The following BLK variants were observed in gnomAD, a reference collection of about 807,000 sequenced individuals.
BLK encodes tyrosine-protein kinase Blk.
Under a neutral mutation model 61.8 loss-of-function variants are expected in BLK, and 64 were observed. That is an observed-to-expected ratio of 1.03 (90% confidence interval 0.85 to 1.27). The LOEUF is 1.27. BLK is among the 50% of genes most tolerant of loss of function. The pLI, the probability that BLK is intolerant of heterozygous loss-of-function variation, is 0.00. For synonymous variants in BLK, 351 were observed against 272.0 expected (o/e 1.29, Z -2.86); for missense variants, 853 against 660.5 (o/e 1.29, Z -3.19).
chr8:11,545,131 C>T (rs1018659892), intron 2 of BLK, among the ~76,000 whole-genome samples: 3 of 152,228 alleles, frequency 2.0e-5, no homozygotes, highest in East Asian at 3.8e-4. Context: ...GTTGTGGCTC[C>T]GTGTTACGCA....
chr8:11,562,852 G>T (rs540398540), intron 11 of BLK, 127 bp from the exon 12 acceptor site: 2 of 1,352,672 alleles, frequency 1.5e-6, no homozygotes, highest in South Asian at 1.3e-5. Flanking sequence ...ATGCCTGGCC[G>T]CCCCGCCCTG....
intron 1 of BLK, among the ~76,000 whole-genome samples, chr8:11,516,594 A>G (rs188151315): frequency 3.9e-4 from 60 of 152,250 alleles, no homozygotes; most frequent in Non-Finnish European, 8.2e-4. Context: ...TCCCCGACCC[A>G]GCCCCCAGCC....
intron 1 of BLK, among the ~76,000 whole-genome samples, chr8:11,519,917 G>A (rs1799373828): frequency 6.6e-6 from 1 of 152,178 alleles, no homozygotes; most frequent in African/African-American, 2.4e-5. Flanking sequence ...AATATTCACA[G>A]AGATTGCCTC....
In BLK at chr8:11,531,260, G is replaced by C. The variant is rs190073743; in HGVS notation, c.-1-11964G>C. ...AAATGTCCTGCCTGTCTCTGATTTAGCTATTTCTTTTCTTAATGGTGTTTT... is the reference window on the plus strand; with the variant it reads ...AAATGTCCTGCCTGTCTCTGATTTACCTATTTCTTTTCTTAATGGTGTTTT... On this transcript the variant is annotated intron_variant, in intron 1 of 12. Coordinates refer to ENST00000259089, the MANE Select transcript of BLK (RefSeq NM_001715.3). 1.4e-4 allele frequency among the ~76,000 whole-genome samples: 22 copies of C among 152,198 alleles called. No homozygotes were observed. In the East Asian group the frequency reaches 4.0e-3, roughly 28 times the overall value.
rs939336015 is a variant in BLK at position 11,550,201 on chromosome 8, G to A, written c.411G>A (p.Gln137=). Reference sequence around the variant, plus strand: ...AGGGTCGGAAGGAGGCTGAGAGGCAGCTTCTTGCTCCAATCAACAAGGCCG... The same window carrying A: ...AGGGTCGGAAGGAGGCTGAGAGGCAACTTCTTGCTCCAATCAACAAGGCCG... ...RSQGRKEAER[Q]LLAPINKAGS... The change falls in exon 6 of 13, where the codon CAG becomes CAA. Residue 137 remains glutamine, a synonymous_variant. Transcript: ENST00000259089. The A allele has an allele frequency of 4.3e-6, 7 of 1,614,082 alleles. No individual in the cohort carries two copies. Among genetic ancestry groups the A allele is most frequent in the Admixed American group, 1.7e-5 (1 of 60,014 alleles).
chr8:11,500,933 G>T (rs561983869), intron 1 of BLK, among the ~76,000 whole-genome samples: 1 of 152,076 alleles, frequency 6.6e-6, no homozygotes, highest in South Asian at 2.1e-4. Flanking sequence ...TTTTGGCCAG[G>T]CGTGGTGGCT....
In BLK at chr8:11,539,212, G is replaced by A. The variant is rs78144962; in HGVS notation, c.-1-4012G>A. On this transcript the variant is annotated intron_variant, in intron 1 of 12. Coordinates refer to ENST00000259089, the MANE Select transcript of BLK (RefSeq NM_001715.3). The stretch of plus-strand genomic sequence containing the variant: ...GTGTAATATGCAAACATATCTACAC[G>A]CCTGAATAGAGGTTTCTTTTCATTT... 7.3e-3 allele frequency among the ~76,000 whole-genome samples: 1,111 copies of A among 152,046 alleles called. 7 individuals carry two copies. Among genetic ancestry groups the A allele is most frequent in the African/African-American group, 0.025 (1,046 of 41,472 alleles).
chr8:11,545,731 A>C (rs145458188), intron 2 of BLK: 45 of 416,518 alleles, frequency 1.1e-4, no homozygotes, highest in Non-Finnish European at 2.0e-4. Flanking sequence ...ACCCGTTTGC[A>C]GTTTGATCTT....
chr8:11,561,088 C>A (rs752270683), intron 10 of BLK: 1 of 717,278 alleles, frequency 1.4e-6, no homozygotes, highest in Admixed American at 2.0e-5. Flanking sequence ...CAGGTAGCCC[C>A]TGTGTCTCTG....
intron 10 of BLK, chr8:11,559,921 G>C (rs1377646465): frequency 4.5e-6 from 2 of 442,350 alleles, no homozygotes; most frequent in Non-Finnish European, 9.1e-6. Context: ...GATCTGGGCA[G>C]CTTCTTCTTG....
chr8:11,554,837 C>G lies in BLK; in HGVS notation c.567C>G (p.Ile189Met), dbSNP rs974096774. 6.2e-7 allele frequency: 1 copy of G among 1,613,968 alleles called. No individual in the cohort carries two copies. Among genetic ancestry groups the G allele is most frequent in the Non-Finnish European group, 8.5e-7 (1 of 1,179,962 alleles). ...IRCLDEGGYY[I>M]SPRITFPSLQ... Reference sequence around the variant, plus strand: ...GCCTGGATGAAGGGGGCTACTACATCTCCCCCCGGATCACCTTCCCCTCGC... The same window carrying G: ...GCCTGGATGAAGGGGGCTACTACATGTCCCCCCGGATCACCTTCCCCTCGC... Residue 189 changes from isoleucine (I) to methionine (M), a missense_variant, in exon 7 of 13, where the codon ATC becomes ATG. Transcript: ENST00000259089.
chr8:11,564,331 A>G lies in BLK; in HGVS notation c.*223A>G, dbSNP rs1194165813. On this transcript the variant is annotated 3_prime_UTR_variant, in exon 13 of 13. Coordinates refer to ENST00000259089, the MANE Select transcript of BLK (RefSeq NM_001715.3). ...CCTCTCTGTGCCGCTTCATTTGTAGAGGGCTGTAACAGTGACCTCGCACGG... is the reference window on the plus strand; with the variant it reads ...CCTCTCTGTGCCGCTTCATTTGTAGGGGGCTGTAACAGTGACCTCGCACGG... 1 of 707,244 alleles carries G rather than the reference A, an allele frequency of 1.4e-6. No homozygotes were observed. Among genetic ancestry groups the G allele is most frequent in the East Asian group, 2.7e-5 (1 of 37,094 alleles). 43.8% of individuals were successfully genotyped at this position (707,244 alleles called of 1,614,324 possible).
intron 1 of BLK, among the ~76,000 whole-genome samples, chr8:11,525,927 CAGAGACAGGGTTTCACCGTGTTTTCATT>C (rs1374635788): frequency 6.6e-6 from 1 of 152,014 alleles, no homozygotes; most frequent in African/African-American, 2.4e-5. Flanking sequence ...GTATTTTTAG[CAGAGACAGGGTTTCACCGTGTTTTCATT>C]AGAGACAGGG....
rs181526921 is a variant in BLK, at chr8:11,554,825, G to C, written c.555G>C (p.Gly185=). The C allele has an allele frequency of 4.6e-5, 75 of 1,614,024 alleles. No individual in the cohort carries two copies. In the Admixed American group the frequency reaches 6.3e-4, roughly 14 times the overall value. ...ATAAGATCCGCTGCCTGGATGAAGGGGGCTACTACATCTCCCCCCGGATCA... is the reference window on the plus strand; with the variant it reads ...ATAAGATCCGCTGCCTGGATGAAGGCGGCTACTACATCTCCCCCCGGATCA... ...KHYKIRCLDE[G]GYYISPRITF... Residue 185 remains glycine, a synonymous_variant, in exon 7 of 13, where the codon GGG becomes GGC. Coordinates refer to ENST00000259089, the MANE Select transcript of BLK (RefSeq NM_001715.3).
chr8:11,558,509 G>A (rs1052236385), intron 10 of BLK: 7 of 379,006 alleles, frequency 1.8e-5, no homozygotes, highest in South Asian at 7.9e-5. Flanking sequence ...CCAGGCTGAT[G>A]GGCAGGCCTG....
chr8:11,502,050 A>G (rs991657022), intron 1 of BLK, among the ~76,000 whole-genome samples: 2 of 152,234 alleles, frequency 1.3e-5, no homozygotes, highest in African/African-American at 4.8e-5. Context: ...CAAGTTGCTA[A>G]CATGACTTGC....
At chr8:11,495,728 A>T (rs932365786) in intron 1 of BLK, among the ~76,000 whole-genome samples, 5 of 152,240 alleles carry the variant, frequency 3.3e-5, no homozygotes, top group Non-Finnish European at 7.3e-5. Context: ...CGCATCCTGT[A>T]TTGGATCCTA....
chr8:11,521,777 T>C (rs564046500), intron 1 of BLK, among the ~76,000 whole-genome samples: 13 of 152,342 alleles, frequency 8.5e-5, no homozygotes, highest in Admixed American at 7.8e-4. Flanking sequence ...GTTCACTTCC[T>C]GTTCTATTTT....
intron 1 of BLK, among the ~76,000 whole-genome samples, chr8:11,532,343 C>T (rs907972495): frequency 5.4e-5 from 8 of 148,018 alleles, no homozygotes; most frequent in African/African-American, 2.0e-4. Flanking sequence ...GGATTACAGG[C>T]ACGCAGCACC....
Sources: gnomAD v4.1 joint callset for allele counts (sites outside exome capture counted in the v4.1 genomes callset) on GRCh38, gnomAD v4.1.1 for gene constraint, MANE v1.5 for transcripts, NCBI Gene and HGNC (gene_info 2026-07-23, HGNC 2026-07-21) for gene names.